The following POLR3B variants were observed in gnomAD, a reference collection of about 807,000 sequenced individuals.
POLR3B encodes the protein RNA polymerase III subunit B, also known as DNA-directed RNA polymerase III subunit RPC2.
In POLR3B, 96 loss-of-function variants were observed where a neutral mutation model predicts 147.4. That is an observed-to-expected ratio of 0.65 (90% CI 0.55 to 0.77). The LOEUF (loss-of-function observed/expected upper bound fraction) is 0.77. Ranked by LOEUF, POLR3B falls within the 30% of genes least tolerant of loss-of-function variation. The pLI is 0.00. For missense variants in POLR3B, 1,036 were observed against 1,413.5 expected (o/e 0.73, Z 4.28); for synonymous variants, 461 against 485.9 (o/e 0.95, Z 0.67).
chr12:106,378,182 C>T, intron 7 of POLR3B, 85 bp from the exon 8 acceptor site: 2 of 846,316 alleles, frequency 2.4e-6, no homozygotes, highest in East Asian at 2.4e-5. Flanking sequence ...AAAAGGTAAT[C>T]TCTGATTCAC....
intron 23 of POLR3B, among the ~76,000 whole-genome samples, chr12:106,468,503 C>T (rs965227122): frequency 7.2e-5 from 11 of 152,082 alleles, no homozygotes; most frequent in Non-Finnish European, 1.5e-4. Flanking sequence ...TGTGTTTGCT[C>T]TTGCTTCTCT....
At chr12:106,452,600 T>A (rs1054598574) in intron 19 of POLR3B, among the ~76,000 whole-genome samples, 5 of 152,218 alleles carry the variant, frequency 3.3e-5, no homozygotes, top group African/African-American at 1.2e-4. Flanking sequence ...AATCTCAACA[T>A]AAATTTTAAG....
chr12:106,419,794 CTTTT>C (rs56756383), intron 12 of POLR3B, among the ~76,000 whole-genome samples: 24,807 of 88,850 alleles, frequency 0.28, 3,061 homozygotes, highest in African/African-American at 0.42. Context: ...TTTAGTTTTG[CTTTT>C]TTTTTTTTTT....
At chr12:106,454,910 ATAC>A (rs2037845341) in intron 20 of POLR3B, among the ~76,000 whole-genome samples, 199 bp downstream of exon 20, 1 of 152,166 alleles carries the variant, frequency 6.6e-6, no homozygotes, top group South Asian at 2.1e-4. Flanking sequence ...TTTGTTAAAC[ATAC>A]TACTACAGAA....
At chr12:106,429,797 G>A (rs995856333) in intron 13 of POLR3B, among the ~76,000 whole-genome samples, 17 of 152,040 alleles carry the variant, frequency 1.1e-4, no homozygotes, top group African/African-American at 3.9e-4. Flanking sequence ...TTATTTTTCT[G>A]TTGCTACATT....
chr12:106,396,423 A>T (rs1437470885), intron 10 of POLR3B, among the ~76,000 whole-genome samples: 4 of 152,214 alleles, frequency 2.6e-5, no homozygotes, highest in African/African-American at 7.2e-5. Flanking sequence ...TTTAGATTTG[A>T]AGTCCAAATC....
chr12:106,474,292 T>C (rs2038132015), intron 23 of POLR3B, among the ~76,000 whole-genome samples: 1 of 134,510 alleles, frequency 7.4e-6, no homozygotes. Context: ...GATTTTTGCA[T>C]CAACGTTCAT....
At chr12:106,476,828 T>C (rs1476798496) in intron 23 of POLR3B, among the ~76,000 whole-genome samples, 1 of 152,136 alleles carries the variant, frequency 6.6e-6, no homozygotes, top group Admixed American at 6.5e-5. Context: ...CTCCCGTAGC[T>C]CAGAGTAATT....
chr12:106,469,226 G>C (rs1037294186), intron 23 of POLR3B, among the ~76,000 whole-genome samples: 13 of 149,632 alleles, frequency 8.7e-5, no homozygotes, highest in African/African-American at 2.7e-4. Flanking sequence ...GATTTTTGTT[G>C]GTTTAAAGTC....
intron 12 of POLR3B, among the ~76,000 whole-genome samples, chr12:106,418,969 T>G (rs1311778889): frequency 1.3e-5 from 2 of 152,210 alleles, no homozygotes; most frequent in Non-Finnish European, 2.9e-5. Flanking sequence ...TAAATTCAGC[T>G]GGGATCCAAA....
intron 23 of POLR3B, among the ~76,000 whole-genome samples, chr12:106,479,650 T>G (rs2038236303): frequency 6.6e-6 from 1 of 152,204 alleles, no homozygotes; most frequent in Non-Finnish European, 1.5e-5. Flanking sequence ...CCCAAAGTGC[T>G]GGGATTACAG....
intron 23 of POLR3B, among the ~76,000 whole-genome samples, chr12:106,466,282 C>T (rs1304270469): frequency 1.3e-5 from 2 of 152,136 alleles, no homozygotes; most frequent in African/African-American, 2.4e-5. Context: ...ATCCCTTGCC[C>T]ATTTTTTGAT....
chr12:106,494,092 A>G (rs1406448081), intron 23 of POLR3B, among the ~76,000 whole-genome samples: 6 of 152,198 alleles, frequency 3.9e-5, no homozygotes, highest in African/African-American at 1.2e-4. Flanking sequence ...TGCACTAAAT[A>G]TTCTTAATCA....
chr12:106,469,645 G>A, intron 23 of POLR3B, among the ~76,000 whole-genome samples: 1 of 152,122 alleles, frequency 6.6e-6, no homozygotes, highest in African/African-American at 2.4e-5. Context: ...GGCAGGCCTG[G>A]TGGTGACAAA....
chr12:106,358,040 G>A (rs1183651796), intron 1 of POLR3B, 89 bp downstream of exon 1: 22 of 1,568,632 alleles, frequency 1.4e-5, no homozygotes, highest in Non-Finnish European at 1.9e-5. Context: ...AAGGGGGCGG[G>A]CTGGCGGTTT....
chr12:106,384,614 C>T (rs868006185), intron 9 of POLR3B, among the ~76,000 whole-genome samples: 7 of 152,086 alleles, frequency 4.6e-5, no homozygotes, highest in Middle Eastern at 6.8e-3. Context: ...TATTTAGTGC[C>T]GTATTTTTTG....
intron 12 of POLR3B, among the ~76,000 whole-genome samples, chr12:106,426,946 T>C (rs2037447523): frequency 6.9e-6 from 1 of 145,342 alleles, no homozygotes; most frequent in African/African-American, 2.5e-5. Flanking sequence ...AAGTGACTGG[T>C]CTAAAGAAAA....
chr12:106,505,590 T>A (rs2038674664), intron 27 of POLR3B, among the ~76,000 whole-genome samples: 1 of 152,024 alleles, frequency 6.6e-6, no homozygotes, highest in African/African-American at 2.4e-5. Context: ...AGTGAGTTCT[T>A]TACTTACTTT....
At chr12:106,373,240 G>C (rs2036634125) in intron 6 of POLR3B, among the ~76,000 whole-genome samples, 1 of 152,118 alleles carries the variant, frequency 6.6e-6, no homozygotes, top group South Asian at 2.1e-4. Context: ...ATGGTTTTGT[G>C]TATTTTTGCT....
Sources: gnomAD v4.1 joint callset for allele counts (sites outside exome capture counted in the v4.1 genomes callset) on GRCh38, gnomAD v4.1.1 for gene constraint, MANE v1.5 for transcripts, NCBI Gene and HGNC (gene_info 2026-07-23, HGNC 2026-07-21) for gene names.